The following FBXO40 variants were observed in gnomAD, a reference collection of about 807,000 sequenced individuals.
FBXO40 encodes the protein F-box protein 40.
A neutral mutation model predicts 49.9 loss-of-function variants in FBXO40; 50 were observed. The observed-to-expected ratio is 1.00, with a 90% CI of 0.80 to 1.27. FBXO40 has a LOEUF of 1.27. FBXO40 is among the 50% of genes most tolerant of loss of function. The probability of loss-of-function intolerance (pLI) is 0.00; values close to 1 mark genes in which losing one functional copy is unlikely to be tolerated. For synonymous variants in FBXO40, 340 were observed against 320.2 expected (o/e 1.06, Z -0.66); for missense variants, 895 against 870.1 (o/e 1.03, Z -0.36).
intron 1 of FBXO40, among the ~76,000 whole-genome samples, chr3:121,611,228 G>A (rs907936670): frequency 1.3e-5 from 2 of 152,148 alleles, no homozygotes; most frequent in Admixed American, 6.5e-5. Context: ...GGGGACCAGC[G>A]CTTAGCATAC....
At chr3:121,610,256 C>A (rs2048957603) in intron 1 of FBXO40, among the ~76,000 whole-genome samples, 1 of 152,148 alleles carries the variant, frequency 6.6e-6, no homozygotes, top group Non-Finnish European at 1.5e-5. Flanking sequence ...AAAAGCTGGG[C>A]CTTTGGGAGG....
At chr3:121,611,498 C>A (rs573298472) in intron 1 of FBXO40, among the ~76,000 whole-genome samples, 1 of 152,304 alleles carries the variant, frequency 6.6e-6, no homozygotes, top group South Asian at 2.1e-4. Flanking sequence ...GGCAGCATTG[C>A]TGTAAACATG....
intron 1 of FBXO40, among the ~76,000 whole-genome samples, chr3:121,596,806 C>T (rs1352962343): frequency 1.3e-5 from 2 of 152,110 alleles, no homozygotes; most frequent in African/African-American, 2.4e-5. Context: ...TAGCATACAT[C>T]TGACACCACT....
rs1235750742 is a variant in FBXO40, at chr3:121,627,500, T to TG, written c.*592dup. ...ACATAGGAGAGCCCCTGGCTGAGCA[T>TG]GGCAGCCTTGAAGACACCACAGGCC... On this transcript the variant is annotated 3_prime_UTR_variant, in exon 4 of 4. Transcript: ENST00000338040. 2 of 194,290 alleles carry TG rather than the reference T, an allele frequency of 1.0e-5. No homozygotes were observed. The highest frequency in any genetic ancestry group is 2.1e-5 in the Non-Finnish European group (2 of 96,522). The allele number at this position is 194,290 out of a possible 1,614,324, so 12.0% of individuals were successfully genotyped here. A position where few individuals can be genotyped will look rare whatever the true frequency, so the allele number is the denominator to read the frequency against.
chr3:121,616,469 C>G (rs1364885997), intron 1 of FBXO40, among the ~76,000 whole-genome samples: 2 of 152,176 alleles, frequency 1.3e-5, no homozygotes, highest in Non-Finnish European at 2.9e-5. Context: ...GGCGATTGAG[C>G]ACTTGAAATG....
Position 121,626,991 on chromosome 3 carries a change from G to A in FBXO40, c.*81G>A. On this transcript the variant is annotated 3_prime_UTR_variant, in exon 4 of 4. Transcript: ENST00000338040. ...GTAGGACAGAGTGTGTGGTTTTGAGGACTCCCTTCTGTAAACTGCCTATTT... is the reference window on the plus strand; with the variant it reads ...GTAGGACAGAGTGTGTGGTTTTGAGAACTCCCTTCTGTAAACTGCCTATTT... The A allele has an allele frequency of 7.4e-7, 1 of 1,357,880 alleles. No homozygotes were observed. The highest frequency in any genetic ancestry group is 1.0e-6 in the Non-Finnish European group (1 of 963,102). The allele number at this position is 1,357,880 out of a possible 1,614,324, so 84.1% of individuals were successfully genotyped here.
intron 1 of FBXO40, among the ~76,000 whole-genome samples, chr3:121,605,796 T>C (rs1464099): frequency 0.9 from 137,233 of 152,264 alleles, 61,899 homozygotes; most frequent in East Asian, 0.96. Flanking sequence ...ATCTGTGCTT[T>C]TGTCCATTGT....
chr3:121,621,522 C>A lies in FBXO40; in HGVS notation c.93C>A (p.Thr31=). ...GCCACATTCCTGTGGAACCCAACACCTCCTGCCTGGTAATAAGCTGCCACC... is the reference window on the plus strand; with the variant it reads ...GCCACATTCCTGTGGAACCCAACACATCCTGCCTGGTAATAAGCTGCCACC... ...RHCHIPVEPN[T]SCLVISCHLL... is the part of the protein sequence containing the mutation. Residue 31 remains threonine, a synonymous_variant, in exon 3 of 4, where the codon ACC becomes ACA. Transcript: ENST00000338040. 1 of 1,614,230 alleles carries A rather than the reference C, an allele frequency of 6.2e-7. No individual in the cohort carries two copies. Among genetic ancestry groups the A allele is most frequent in the Non-Finnish European group, 8.5e-7 (1 of 1,180,042 alleles).
In FBXO40 at chr3:121,623,304, G is replaced by A; in HGVS notation, c.1875G>A (p.Arg625=). 1 of 1,614,200 alleles carries A rather than the reference G, an allele frequency of 6.2e-7. No homozygotes were observed. The highest frequency in any genetic ancestry group is 8.5e-7 in the Non-Finnish European group (1 of 1,180,042). The part of the protein sequence containing the change: ...GMVLLQWKKK[R]YSHGGTSWRV... ...TCCTTTTGCAATGGAAGAAAAAGAGGTATTCCCATGGAGGCACCTCCTGGA... is the reference window on the plus strand; with the variant it reads ...TCCTTTTGCAATGGAAGAAAAAGAGATATTCCCATGGAGGCACCTCCTGGA... The change falls in exon 3 of 4, where the codon AGG becomes AGA. Residue 625 remains arginine, a synonymous_variant. Transcript: ENST00000338040.
chr3:121,599,705 C>CACATATATATAT (rs1214125029), intron 1 of FBXO40, among the ~76,000 whole-genome samples: 1 of 59,530 alleles, frequency 1.7e-5, no homozygotes, highest in African/African-American at 6.1e-5. Flanking sequence ...CACACACACA[C>CACATATATATAT]ATATATATAT....
chr3:121,626,711 G>T lies in FBXO40; in HGVS notation c.1931G>T (p.Ser644Ile). The change falls in exon 4 of 4, where the codon AGC becomes ATC. Residue 644 changes from serine (S) to isoleucine (I), a missense_variant. By Grantham distance (142) the Ser-to-Ile change is moderately radical (BLOSUM62 -2). Transcript: ENST00000338040. Reference protein sequence around the residue: ...RVHREIWQFSSLFSKIKSWEF... With the variant: ...RVHREIWQFSILFSKIKSWEF... Reference sequence around the variant, plus strand: ...TCTCAACAGATCTGGCAGTTCAGCAGCCTCTTCTCCAAAATCAAGAGCTGG... The same window carrying T: ...TCTCAACAGATCTGGCAGTTCAGCATCCTCTTCTCCAAAATCAAGAGCTGG... The T allele has an allele frequency of 6.2e-7, 1 of 1,614,148 alleles. No individual in the cohort carries two copies. Among genetic ancestry groups the T allele is most frequent in the South Asian group, 1.1e-5 (1 of 91,068 alleles).
intron 1 of FBXO40, among the ~76,000 whole-genome samples, chr3:121,619,536 T>A (rs1193754972): frequency 6.6e-6 from 1 of 152,224 alleles, no homozygotes; most frequent in East Asian, 1.9e-4. Flanking sequence ...TTTATTTCGA[T>A]ATATTATGTA....
rs757324448 is a variant in FBXO40 at position 121,599,674 on chromosome 3, GCACACACA to G, written c.-31+6197_-31+6204del. Among the ~76,000 whole-genome samples the G allele has an allele frequency of 1.9e-3, 189 of 99,578 alleles. 1 individual carries two copies. Among genetic ancestry groups the G allele is most frequent in the African/African-American group, 5.4e-3 (137 of 25,332 alleles). The allele number at this position is 99,578 out of a possible 152,430, so 65.3% of individuals were successfully genotyped here. ...AGTGCATACACACACACACACACATGCACACACACACACACACACACACACACACACAT... is the reference window on the plus strand; with the variant it reads ...AGTGCATACACACACACACACACATGCACACACACACACACACACACACAT... On this transcript the variant is annotated intron_variant, in intron 1 of 3. Coordinates refer to ENST00000338040, the MANE Select transcript of FBXO40 (RefSeq NM_016298.4).
chr3:121,618,511 C>T (rs956629656), intron 1 of FBXO40, among the ~76,000 whole-genome samples: 7 of 151,424 alleles, frequency 4.6e-5, no homozygotes, highest in Non-Finnish European at 8.8e-5. Flanking sequence ...CTCAGCCTCC[C>T]GAGTAGCTGA....
At chr3:121,599,155 C>G (rs2048887550) in intron 1 of FBXO40, among the ~76,000 whole-genome samples, 1 of 151,962 alleles carries the variant, frequency 6.6e-6, no homozygotes, top group South Asian at 2.1e-4. Flanking sequence ...CTTTTTCAGA[C>G]AAGAAGCAAG....
chr3:121,594,657 C>T (rs778474326), intron 1 of FBXO40, among the ~76,000 whole-genome samples: 1 of 152,034 alleles, frequency 6.6e-6, no homozygotes, highest in Non-Finnish European at 1.5e-5. Flanking sequence ...ATATACTATT[C>T]AAACTCCGCA....
At position 121,622,915 on chromosome 3, in the gene FBXO40, C is replaced by T. The variant is rs1238352650; in HGVS notation, c.1486C>T (p.His496Tyr). The change falls in exon 3 of 4, where the codon CAC becomes TAC. Residue 496 changes from histidine (H) to tyrosine (Y), a missense_variant. Transcript: ENST00000338040. ...GTTCCCCCTGCACTTCAAGAATGTC[C>T]ACACAGACATTCAGTCATGTCTCAA... ...DEFPLHFKNVHTDIQSCLNGW... is the reference protein window; with the variant it reads ...DEFPLHFKNVYTDIQSCLNGW... The T allele has an allele frequency of 1.2e-6, 2 of 1,614,084 alleles. No homozygotes were observed. Among genetic ancestry groups the T allele is most frequent in the African/African-American group, 2.7e-5 (2 of 74,926 alleles).
intron 1 of FBXO40, among the ~76,000 whole-genome samples, chr3:121,610,810 T>C (rs2048960045): frequency 6.6e-6 from 1 of 152,130 alleles, no homozygotes; most frequent in Non-Finnish European, 1.5e-5. Context: ...ACGGCTAATT[T>C]TTGTGTTTTT....
At chr3:121,613,048 C>T (rs1168719755) in intron 1 of FBXO40, among the ~76,000 whole-genome samples, 2 of 145,506 alleles carry the variant, frequency 1.4e-5, no homozygotes, top group East Asian at 2.0e-4. Context: ...CCAGCCTGGG[C>T]GACAGAGCAA....
Sources: gnomAD v4.1 joint callset for allele counts (sites outside exome capture counted in the v4.1 genomes callset) on GRCh38, gnomAD v4.1.1 for gene constraint, MANE v1.5 for transcripts, NCBI Gene and HGNC (gene_info 2026-07-23, HGNC 2026-07-21) for gene names.